ELSPBP1: variants seen among roughly 807,000 people sequenced by gnomAD.
ELSPBP1 encodes the protein epididymal sperm-binding protein 1.
ELSPBP1 carries 38 observed loss-of-function variants against 33.3 expected under a neutral mutation model. The observed-to-expected ratio is 1.14, with a 90% CI of 0.88 to 1.50. ELSPBP1 has a LOEUF of 1.50. Among genes scored for constraint, ELSPBP1 ranks in the 40% most tolerant of loss-of-function variants. The probability of loss-of-function intolerance (pLI) is 0.00; values close to 1 mark genes in which losing one functional copy is unlikely to be tolerated. For synonymous variants in ELSPBP1, 85 were observed against 94.1 expected, an observed-to-expected ratio of 0.90 and a Z score of 0.56; for missense variants, 267 against 263.5, an observed-to-expected ratio of 1.01 and a Z score of -0.09.
intron 1 of ELSPBP1, among the ~76,000 whole-genome samples, chr19:47,998,113 C>T (rs1277649940): frequency 6.6e-6 from 1 of 152,096 alleles, no homozygotes; most frequent in East Asian, 1.9e-4. Flanking sequence ...CAGCAGCTTC[C>T]AGTAAAATCT....
chr19:48,022,106 C>T, intron 5 of ELSPBP1, 64 bp from the exon 6 acceptor site: 1 of 1,485,570 alleles, frequency 6.7e-7, no homozygotes, highest in Non-Finnish European at 9.1e-7. Context: ...GCCTGAAGCC[C>T]ACGCCTCTAC....
chr19:48,008,947 C>T (rs1480003169), intron 2 of ELSPBP1, among the ~76,000 whole-genome samples: 1 of 151,930 alleles, frequency 6.6e-6, no homozygotes, highest in African/African-American at 2.4e-5. Context: ...AGCAGCCTGC[C>T]CAACATGGTG....
chr19:47,998,285 G>A (rs1220018997), intron 1 of ELSPBP1, among the ~76,000 whole-genome samples: 1 of 152,008 alleles, frequency 6.6e-6, no homozygotes, highest in Non-Finnish European at 1.5e-5. Context: ...AGTGGCAGGC[G>A]CCTGTAATAC....
At position 47,996,190 on chromosome 19, in the gene ELSPBP1, G is replaced by T. The variant is rs148791300; in HGVS notation, c.-18+1379G>T. Among the ~76,000 whole-genome samples the T allele has an allele frequency of 1.7e-3, 256 of 152,284 alleles. 2 individuals carry two copies. Among genetic ancestry groups the T allele is most frequent in the African/African-American group, 6.0e-3 (251 of 41,556 alleles). On this transcript the variant is annotated intron_variant, in intron 1 of 6. Transcript: ENST00000339841. ...TAAAGAATGAAAGGAAGGATGGGTG[G>T]ATAGAAGAATGGATGAACAGTGAAA...
chr19:48,023,489 AG>A lies in ELSPBP1; in HGVS notation c.*7+1158del, dbSNP rs368256625. 3.7e-3 allele frequency among the ~76,000 whole-genome samples: 243 copies of A among 65,264 alleles called. 1 individual carries two copies. The highest frequency in any genetic ancestry group is 0.015 in the East Asian group (10 of 666). The allele number at this position is 65,264 out of a possible 152,430, so 42.8% of individuals were successfully genotyped here. A position where few individuals can be genotyped will look rare whatever the true frequency, so the allele number is the denominator to read the frequency against. ...AATGGAGGAAGGGAGGAGGGAAGGG[AG>A]GGAGGGAAGGAAAAGAGGAAGGAAA... On this transcript the variant is annotated intron_variant, in intron 6 of 6. Coordinates refer to ENST00000339841, the MANE Select transcript of ELSPBP1 (RefSeq NM_022142.5).
intron 1 of ELSPBP1, among the ~76,000 whole-genome samples, chr19:48,003,375 C>G (rs748079792): frequency 2.0e-4 from 30 of 151,950 alleles, no homozygotes; most frequent in Non-Finnish European, 3.4e-4. Context: ...AAGAGAAGAG[C>G]GAGTGCAAAG....
intron 1 of ELSPBP1, among the ~76,000 whole-genome samples, chr19:47,997,961 G>T (rs745351551): frequency 2.0e-5 from 3 of 152,164 alleles, no homozygotes; most frequent in African/African-American, 7.2e-5. Flanking sequence ...CTTCTCACAT[G>T]CCCGCTCAGG....
At chr19:47,998,240 C>A (rs1966929748) in intron 1 of ELSPBP1, among the ~76,000 whole-genome samples, 1 of 151,872 alleles carries the variant, frequency 6.6e-6, no homozygotes, top group Non-Finnish European at 1.5e-5. Context: ...GGTGAAACCC[C>A]GTCTCTACTA....
chr19:48,010,281 A>G (rs925711040), intron 2 of ELSPBP1, among the ~76,000 whole-genome samples: 5 of 152,182 alleles, frequency 3.3e-5, no homozygotes, highest in Admixed American at 1.3e-4. Flanking sequence ...AATGTACTTG[A>G]TGGGGTATCC....
Position 48,009,058 on chromosome 19 carries a change from C to T in ELSPBP1, c.70+321C>T, listed in dbSNP as rs1470358272. Among the ~76,000 whole-genome samples the T allele has an allele frequency of 2.6e-5, 4 of 151,224 alleles. No homozygotes were observed. In the Admixed American group the frequency reaches 2.7e-4, roughly 10 times the overall value. The stretch of plus-strand genomic sequence containing the variant: ...GGCTGAGGCAGGAGAATCGCTTGAA[C>T]CCAGGAGGTGGAGGTTGCAGTGAGC... On this transcript the variant is annotated intron_variant, in intron 2 of 6. Coordinates refer to ENST00000339841, the MANE Select transcript of ELSPBP1 (RefSeq NM_022142.5).
chr19:48,008,557 G>A, intron 1 of ELSPBP1, 94 bp from the exon 2 acceptor site: 1 of 819,194 alleles, frequency 1.2e-6, no homozygotes, highest in South Asian at 1.6e-5. Flanking sequence ...ACTGTGGATG[G>A]AAAGAAAAAT....
Position 48,016,449 on chromosome 19 carries a change from CTCTTTCTTTTCTTTCCTTCTTTCTT to C in ELSPBP1, c.355+420_355+444del, listed in dbSNP as rs1568407276. Among the ~76,000 whole-genome samples, 58 of 142,816 alleles carry C rather than the reference CTCTTTCTTTTCTTTCCTTCTTTCTT, an allele frequency of 4.1e-4. 1 individual carries two copies. The highest frequency in any genetic ancestry group is 4.6e-5 in the Non-Finnish European group (3 of 65,894). The allele number at this position is 142,816 out of a possible 152,430, so 93.7% of individuals were successfully genotyped here. A position where few individuals can be genotyped will look rare whatever the true frequency, so the allele number is the denominator to read the frequency against. On this transcript the variant is annotated intron_variant, in intron 4 of 6. Transcript: ENST00000339841. Reference sequence around the variant, plus strand: ...CTCCCTTCCTCCCTCCCTCCCTTTTCTCTTTCTTTTCTTTCCTTCTTTCTTTCTTTCTTTCTTTCTTTCTTTCTTT... The same window carrying C: ...CTCCCTTCCTCCCTCCCTCCCTTTTCTCTTTCTTTCTTTCTTTCTTTCTTT...
At chr19:48,023,051 A>G (rs1038839917) in intron 6 of ELSPBP1, among the ~76,000 whole-genome samples, 1 of 151,556 alleles carries the variant, frequency 6.6e-6, no homozygotes, top group Non-Finnish European at 1.5e-5. Context: ...CTAAGAAAGA[A>G]AAAGAGAAAG....
rs760104264 is a variant in ELSPBP1 at position 48,019,719 on chromosome 19, A to C, written c.356A>C (p.Glu119Ala). 4 of 1,613,114 alleles carry C rather than the reference A, an allele frequency of 2.5e-6. No homozygotes were observed. Among genetic ancestry groups the C allele is most frequent in the Non-Finnish European group, 3.4e-6 (4 of 1,179,678 alleles). The change falls in exon 5 of 7, where the codon GAG becomes GCG. Residue 119 changes from glutamate to alanine, a missense_variant and splice_region_variant. Physicochemically the swap from Glu to Ala is moderately radical, Grantham distance 107. Coordinates refer to ENST00000339841, the MANE Select transcript of ELSPBP1 (RefSeq NM_022142.5). ...GTAACCTTTCCATAATCCTTTTCAGAGTATGGGGGAAATTCTCTCAGGAAG... is the reference window on the plus strand; with the variant it reads ...GTAACCTTTCCATAATCCTTTTCAGCGTATGGGGGAAATTCTCTCAGGAAG... Reference protein sequence around the residue: ...KQQWKFCETNEYGGNSLRKPC... With the variant: ...KQQWKFCETNAYGGNSLRKPC...
In ELSPBP1 at chr19:48,011,911, G is replaced by A. The variant is rs1967083593; in HGVS notation, c.71-2260G>A. Among the ~76,000 whole-genome samples the A allele has an allele frequency of 6.8e-6, 1 of 146,396 alleles. No individual in the cohort carries two copies. Among genetic ancestry groups the A allele is most frequent in the African/African-American group, 2.6e-5 (1 of 39,088 alleles). On this transcript the variant is annotated intron_variant, in intron 2 of 6. Coordinates refer to ENST00000339841, the MANE Select transcript of ELSPBP1 (RefSeq NM_022142.5). This position sits in a 1 kb window ranked among gnomAD's most constrained non-coding sequence, Gnocchi z 4.5. ...ACAAAAATAAATACCAAACAGTTCT[G>A]AGAAACAAGGTGAAAAATGCAATGA... is the stretch of plus-strand genomic sequence containing the variant.
chr19:48,020,975 G>A (rs144697399), intron 5 of ELSPBP1, among the ~76,000 whole-genome samples: 2 of 152,312 alleles, frequency 1.3e-5, no homozygotes, highest in East Asian at 3.9e-4. Context: ...TTATTTCTCA[G>A]CTGGTCATGG....
intron 2 of ELSPBP1, among the ~76,000 whole-genome samples, chr19:48,009,261 A>T (rs890964647): frequency 6.6e-6 from 1 of 152,176 alleles, no homozygotes; most frequent in African/African-American, 2.4e-5. Context: ...TGTAAAAGAG[A>T]AGTAACGGCA....
intron 1 of ELSPBP1, among the ~76,000 whole-genome samples, chr19:48,006,918 G>A (rs529938134): frequency 3.9e-5 from 6 of 152,240 alleles, no homozygotes; most frequent in African/African-American, 1.4e-4. Flanking sequence ...TGTGTAGCGG[G>A]AGAGCCAAGC....
chr19:48,011,321 G>A lies in ELSPBP1; in HGVS notation c.70+2584G>A, dbSNP rs1018960113. Among the ~76,000 whole-genome samples the A allele has an allele frequency of 2.6e-5, 4 of 151,536 alleles. No homozygotes were observed. Among genetic ancestry groups the A allele is most frequent in the Admixed American group, 2.0e-4 (3 of 15,218 alleles). ...GACAATAATGAGGTTGATAATGATG[G>A]TGACAATGACTGATGATGATGACAA... On this transcript the variant is annotated intron_variant, in intron 2 of 6. Coordinates refer to ENST00000339841, the MANE Select transcript of ELSPBP1 (RefSeq NM_022142.5). This position sits in a 1 kb window ranked among gnomAD's most constrained non-coding sequence, Gnocchi z 4.5.
Sources: allele counts gnomAD v4.1 joint callset (sites outside exome capture counted in the v4.1 genomes callset), GRCh38; gene constraint gnomAD v4.1.1; non-coding constraint Gnocchi (gnomAD v3.1); transcripts MANE v1.5; gene names NCBI Gene and HGNC (gene_info 2026-07-23, HGNC 2026-07-21).